The following SDK2 variants were observed in gnomAD, a reference collection of about 807,000 sequenced individuals.
SDK2 encodes the protein sidekick cell adhesion molecule 2, also known as protein sidekick-2.
Under a neutral mutation model 253.9 loss-of-function variants are expected in SDK2, and 105 were observed. That is an observed-to-expected ratio of 0.41 (90% confidence interval 0.35 to 0.49). The LOEUF (loss-of-function observed/expected upper bound fraction) is 0.49. Ranked by LOEUF, SDK2 falls within the 20% of genes least tolerant of loss-of-function variation. SDK2 has a pLI of 0.06. For missense variants in SDK2, 2,608 were observed against 3,003.0 expected (o/e 0.87, Z 3.07); for synonymous variants, 1,249 against 1,234.9 (o/e 1.01, Z -0.24).
At chr17:73,434,701 C>T (rs1048510588) in intron 9 of SDK2, among the ~76,000 whole-genome samples, 38 of 152,294 alleles carry the variant, frequency 2.5e-4, no homozygotes, top group African/African-American at 7.9e-4. Context: ...AGTGCAGTGG[C>T]GCCATCTTGG....
At chr17:73,545,563 A>G (rs1480593391) in intron 1 of SDK2, among the ~76,000 whole-genome samples, 1 of 152,234 alleles carries the variant, frequency 6.6e-6, no homozygotes, top group Non-Finnish European at 1.5e-5. Flanking sequence ...GACCGGAAAC[A>G]GAGGAGTCCC....
At chr17:73,633,098 C>T (rs2143268794) in intron 1 of SDK2, among the ~76,000 whole-genome samples, 1 of 149,540 alleles carries the variant, frequency 6.7e-6, no homozygotes, top group African/African-American at 2.5e-5. Context: ...GACTAGGCAA[C>T]CGAGCAAGAC....
chr17:73,587,826 C>T (rs2045622889), intron 1 of SDK2, among the ~76,000 whole-genome samples: 1 of 152,156 alleles, frequency 6.6e-6, no homozygotes, highest in South Asian at 2.1e-4. Context: ...AAAGTCTTCT[C>T]ATTGCTTTGT....
rs909033168 is a variant in SDK2 at position 73,467,238 on chromosome 17, A to T, written c.331+4874T>A. 2.6e-5 allele frequency among the ~76,000 whole-genome samples: 4 copies of T among 151,032 alleles called. No individual in the cohort carries two copies. The highest frequency in any genetic ancestry group is 6.6e-5 in the Admixed American group (1 of 15,140). On this transcript the variant is annotated intron_variant, in intron 3 of 44. Coordinates refer to ENST00000392650, the MANE Select transcript of SDK2 (RefSeq NM_001144952.2). The surrounding 1 kb of genome is among the most constrained non-coding windows in gnomAD (Gnocchi z 4.1). Reference sequence around the variant, plus strand: ...ACTCTGACCCCAGCAGCTCACCCTCACCCTCCTCCCACACACCCAATTTTG... The same window carrying T: ...ACTCTGACCCCAGCAGCTCACCCTCTCCCTCCTCCCACACACCCAATTTTG...
At chr17:73,358,588 G>T (rs182512598) in intron 39 of SDK2, among the ~76,000 whole-genome samples, 1 of 152,130 alleles carries the variant, frequency 6.6e-6, no homozygotes, top group African/African-American at 2.4e-5. Context: ...GGAAGGTAAG[G>T]CTTGAAGGCT....
At chr17:73,600,286 A>T (rs1240586948) in intron 1 of SDK2, among the ~76,000 whole-genome samples, 1 of 152,174 alleles carries the variant, frequency 6.6e-6, no homozygotes, top group Non-Finnish European at 1.5e-5. Flanking sequence ...TCTGGAATTC[A>T]TTCTCTTCAT....
At chr17:73,457,222 TCTTCCTTCCTTCCTTCCTTCCTTCCTTC>T (rs150011955) in intron 3 of SDK2, among the ~76,000 whole-genome samples, 11 of 41,334 alleles carry the variant, frequency 2.7e-4, no homozygotes, top group African/African-American at 3.8e-4. Context: ...TTTTCTTTTC[TCTTCCTTCCTTCCTTCCTTCCTTCCTTC>T]CTTCCTTCCT....
At position 73,465,602 on chromosome 17, in the gene SDK2, G is replaced by A. The variant is rs2063591439; in HGVS notation, c.331+6510C>T. Among the ~76,000 whole-genome samples the A allele has an allele frequency of 1.3e-5, 2 of 152,168 alleles. No homozygotes were observed. Among genetic ancestry groups the A allele is most frequent in the African/African-American group, 4.8e-5 (2 of 41,430 alleles). Reference sequence around the variant, plus strand: ...AGACTCCAAGTGGGGACAGGAAGGGGCTGGGGAGGGGGGAAGATGTTTTAT... The same window carrying A: ...AGACTCCAAGTGGGGACAGGAAGGGACTGGGGAGGGGGGAAGATGTTTTAT... On this transcript the variant is annotated intron_variant, in intron 3 of 44. Transcript: ENST00000392650. This position sits in a 1 kb window ranked among gnomAD's most constrained non-coding sequence, Gnocchi z 4.2.
chr17:73,353,122 T>C (rs915569792), intron 40 of SDK2, among the ~76,000 whole-genome samples: 3 of 151,950 alleles, frequency 2.0e-5, no homozygotes, highest in African/African-American at 7.2e-5. Context: ...GAGCATCTCT[T>C]TTATTCTTTT....
rs1349369275 is a variant in SDK2 at position 73,534,006 on chromosome 17, C to T, written c.65-26409G>A. Among the ~76,000 whole-genome samples the T allele has an allele frequency of 2.0e-5, 3 of 152,100 alleles. No individual in the cohort carries two copies. The highest frequency in any genetic ancestry group is 2.9e-5 in the Non-Finnish European group (2 of 67,992). ...AGTGATGCGGCAACATCTGCACCTC[C>T]GCTTGCAGCCAAGACGCCATTCTGC... On this transcript the variant is annotated intron_variant, in intron 1 of 44. Coordinates refer to ENST00000392650, the MANE Select transcript of SDK2 (RefSeq NM_001144952.2). This position sits in a 1 kb window ranked among gnomAD's most constrained non-coding sequence, Gnocchi z 4.9.
intron 40 of SDK2, among the ~76,000 whole-genome samples, chr17:73,353,313 G>T (rs1404965055): frequency 1.3e-5 from 2 of 152,186 alleles, no homozygotes; most frequent in African/African-American, 4.8e-5. Flanking sequence ...TTAAGTGACT[G>T]CCTAAGACAT....
At chr17:73,559,256 G>T (rs925020876) in intron 1 of SDK2, among the ~76,000 whole-genome samples, 61 of 152,262 alleles carry the variant, frequency 4.0e-4, no homozygotes, top group African/African-American at 1.4e-3. Context: ...CCTGCCTCTG[G>T]GAAAACTATT....
chr17:73,440,196 C>T (rs1005887705), intron 6 of SDK2, among the ~76,000 whole-genome samples: 2 of 151,534 alleles, frequency 1.3e-5, no homozygotes, highest in African/African-American at 4.9e-5. Context: ...TAACCTCCGC[C>T]TCCTGGGTTC....
intron 44 of SDK2, among the ~76,000 whole-genome samples, chr17:73,347,352 A>G (rs1042282634): frequency 3.9e-5 from 6 of 152,174 alleles, no homozygotes; most frequent in Non-Finnish European, 8.8e-5. Flanking sequence ...TGGCTTAACA[A>G]CAAAAAAACT....
chr17:73,402,030 C>A lies in SDK2; in HGVS notation c.2596G>T (p.Glu866Ter). ...AAACACAGCACTGAGGTGAAGTACTCGGTGAACTTCTTCAGGCCAGACACG... is the reference window on the plus strand; with the variant it reads ...AAACACAGCACTGAGGTGAAGTACTAGGTGAACTTCTTCAGGCCAGACACG... Reference protein sequence around the residue: ...GFVSGLKKFTEYFTSVLCFTT... With the variant: ...GFVSGLKKFT The change falls in exon 19 of 45, where the codon GAG (glutamate) becomes TAG (stop). Residue 866 changes from glutamate (E) to a stop codon, truncating the protein, a stop_gained. Coordinates refer to ENST00000392650, the MANE Select transcript of SDK2 (RefSeq NM_001144952.2). LOFTEE classifies it high-confidence loss of function. The A allele has an allele frequency of 6.2e-7, 1 of 1,613,956 alleles. No homozygotes were observed. Among genetic ancestry groups the A allele is most frequent in the Non-Finnish European group, 8.5e-7 (1 of 1,179,856 alleles).
chr17:73,578,160 A>T (rs2045482773), intron 1 of SDK2, among the ~76,000 whole-genome samples: 1 of 151,952 alleles, frequency 6.6e-6, no homozygotes, highest in South Asian at 2.1e-4. Flanking sequence ...CCCTGGTTCA[A>T]GCAATTCCCC....
rs1427479232 is a variant in SDK2 at position 73,639,825 on chromosome 17, A to C, written c.64+4200T>G. On this transcript the variant is annotated intron_variant, in intron 1 of 44. Coordinates refer to ENST00000392650, the MANE Select transcript of SDK2 (RefSeq NM_001144952.2). The surrounding 1 kb of genome is among the most constrained non-coding windows in gnomAD (Gnocchi z 4.3). ...TCTTCATCAGCATAAAACATAGCTA[A>C]CAGCCAGCTGGTGTTGAGCAGTAGT... Among the ~76,000 whole-genome samples, 1 of 152,118 alleles carries C rather than the reference A, an allele frequency of 6.6e-6. No individual in the cohort carries two copies. Among genetic ancestry groups the C allele is most frequent in the Non-Finnish European group, 1.5e-5 (1 of 68,012 alleles).
intron 40 of SDK2, among the ~76,000 whole-genome samples, chr17:73,354,705 C>T (rs1314787281): frequency 6.6e-6 from 1 of 152,148 alleles, no homozygotes; most frequent in Non-Finnish European, 1.5e-5. Context: ...AGGCCGCTGC[C>T]ACCAGGGACT....
At chr17:73,632,180 A>G (rs958274858) in intron 1 of SDK2, among the ~76,000 whole-genome samples, 3 of 152,228 alleles carry the variant, frequency 2.0e-5, no homozygotes, top group East Asian at 1.9e-4. Flanking sequence ...ACTTGATTGG[A>G]TTGAAGGATG....
Sources: allele counts gnomAD v4.1 joint callset (sites outside exome capture counted in the v4.1 genomes callset), GRCh38; gene constraint gnomAD v4.1.1; non-coding constraint Gnocchi (gnomAD v3.1); transcripts MANE v1.5; gene names NCBI Gene and HGNC (gene_info 2026-07-23, HGNC 2026-07-21).